The following PLXDC2 variants were observed in gnomAD, a reference collection of about 807,000 sequenced individuals.
The protein encoded by PLXDC2 is plexin domain-containing protein 2.
A neutral mutation model predicts 68.9 loss-of-function variants in PLXDC2; 40 were observed. That is an observed-to-expected ratio of 0.58 (90% confidence interval 0.45 to 0.76). PLXDC2 has a LOEUF of 0.76. Ranked by LOEUF, PLXDC2 falls within the 30% of genes least tolerant of loss-of-function variation. The probability of loss-of-function intolerance (pLI) is 0.00; values close to 1 mark genes in which losing one functional copy is unlikely to be tolerated. For synonymous variants in PLXDC2, 243 were observed against 234.2 expected (o/e 1.04, Z -0.34); for missense variants, 644 against 661.9 (o/e 0.97, Z 0.30).
At chr10:20,216,197 A>G (rs952259116) in intron 10 of PLXDC2, among the ~76,000 whole-genome samples, 1 of 152,206 alleles carries the variant, frequency 6.6e-6, no homozygotes, top group Non-Finnish European at 1.5e-5. Context: ...AAACTTAAAA[A>G]CAAAATCATT....
chr10:19,979,030 C>T (rs182977279), intron 1 of PLXDC2, among the ~76,000 whole-genome samples: 2 of 152,220 alleles, frequency 1.3e-5, no homozygotes, highest in South Asian at 4.1e-4. Context: ...ACAAAATAAA[C>T]GTTTCTTGAT....
chr10:19,987,789 C>T lies in PLXDC2; in HGVS notation c.113-13986C>T, dbSNP rs536978947. Among the ~76,000 whole-genome samples, 267 of 152,076 alleles carry T rather than the reference C, an allele frequency of 1.8e-3. 1 individual carries two copies. Among genetic ancestry groups the T allele is most frequent in the African/African-American group, 6.3e-3 (262 of 41,482 alleles). On this transcript the variant is annotated intron_variant, in intron 1 of 13. Coordinates refer to ENST00000377252, the MANE Select transcript of PLXDC2 (RefSeq NM_032812.9). The stretch of plus-strand genomic sequence containing the variant: ...CCTTGTTGGCCAGGATGGTCTCGAT[C>T]GATCTCCCGACCTTGTGATCCTCCC...
At chr10:19,926,978 C>T (rs1376408865) in intron 1 of PLXDC2, among the ~76,000 whole-genome samples, 1 of 152,190 alleles carries the variant, frequency 6.6e-6, no homozygotes, top group Non-Finnish European at 1.5e-5. Flanking sequence ...TCCTCATCTT[C>T]ATTTCTAATG....
intron 1 of PLXDC2, among the ~76,000 whole-genome samples, chr10:19,932,939 T>A (rs1473699503): frequency 3.9e-5 from 6 of 152,182 alleles, no homozygotes; most frequent in Non-Finnish European, 5.9e-5. Flanking sequence ...TTCAGTTACC[T>A]TTTGTATTAG....
intron 1 of PLXDC2, among the ~76,000 whole-genome samples, chr10:19,994,444 T>A (rs891934436): frequency 6.8e-6 from 1 of 147,882 alleles, no homozygotes; most frequent in African/African-American, 2.5e-5. Flanking sequence ...TCCTCCAACC[T>A]CAGCCTCCCA....
chr10:20,094,701 T>C (rs1044485486), intron 4 of PLXDC2, among the ~76,000 whole-genome samples: 4 of 152,208 alleles, frequency 2.6e-5, no homozygotes, highest in African/African-American at 9.6e-5. Context: ...TTGGACCTTT[T>C]CTTTCTTTTC....
chr10:20,054,364 C>G (rs1466433055), intron 3 of PLXDC2, among the ~76,000 whole-genome samples: 5 of 151,882 alleles, frequency 3.3e-5, no homozygotes, highest in South Asian at 2.1e-4. Context: ...CTAAGAGTCT[C>G]TCTCAGATCA....
intron 2 of PLXDC2, among the ~76,000 whole-genome samples, chr10:20,002,804 G>A (rs1252662760): frequency 6.6e-6 from 1 of 152,154 alleles, no homozygotes; most frequent in Non-Finnish European, 1.5e-5. Flanking sequence ...ATGCTAGGCA[G>A]AGTAAATTTC....
intron 1 of PLXDC2, among the ~76,000 whole-genome samples, chr10:19,925,567 G>C (rs1020054683): frequency 3.3e-5 from 5 of 152,202 alleles, no homozygotes; most frequent in Non-Finnish European, 7.3e-5. Context: ...AATCTCAGAT[G>C]GAAAATAAAA....
At chr10:19,929,155 G>A (rs1268274984) in intron 1 of PLXDC2, among the ~76,000 whole-genome samples, 2 of 151,812 alleles carry the variant, frequency 1.3e-5, no homozygotes, top group South Asian at 2.1e-4. Flanking sequence ...GAGGTGGGCG[G>A]ATTGCATGAG....
At chr10:20,209,619 C>T (rs1370084181) in intron 9 of PLXDC2, among the ~76,000 whole-genome samples, 1 of 152,060 alleles carries the variant, frequency 6.6e-6, no homozygotes, top group Non-Finnish European at 1.5e-5. Context: ...CCGCCCGGCT[C>T]ACCAGCAGTC....
chr10:20,221,080 T>G (rs972861022), intron 12 of PLXDC2, among the ~76,000 whole-genome samples: 1 of 152,018 alleles, frequency 6.6e-6, no homozygotes, highest in Admixed American at 6.6e-5. Flanking sequence ...TGACCTCAGG[T>G]GATCCACCCG....
intron 1 of PLXDC2, among the ~76,000 whole-genome samples, chr10:19,873,850 T>C (rs1837586807): frequency 1.3e-5 from 2 of 152,226 alleles, no homozygotes; most frequent in South Asian, 4.1e-4. Context: ...CCTAAAATGG[T>C]CTGGCATCAA....
At chr10:19,834,549 C>G (rs1836755115) in intron 1 of PLXDC2, among the ~76,000 whole-genome samples, 1 of 152,196 alleles carries the variant, frequency 6.6e-6, no homozygotes, top group Non-Finnish European at 1.5e-5. Flanking sequence ...TGGCAATAGA[C>G]TGTTTGTTAA....
chr10:19,966,398 T>TATATATGTGCACATATATAAA (rs1834259705), intron 1 of PLXDC2, among the ~76,000 whole-genome samples: 2 of 147,160 alleles, frequency 1.4e-5, no homozygotes, highest in African/African-American at 5.2e-5. Flanking sequence ...ATATATAAAA[T>TATATATGTGCACATATATAAA]ATATATGTGC....
intron 12 of PLXDC2, among the ~76,000 whole-genome samples, chr10:20,238,334 T>C (rs1334737786): frequency 1.3e-5 from 2 of 151,590 alleles, no homozygotes; most frequent in African/African-American, 4.8e-5. Flanking sequence ...TTCTAGTATA[T>C]ACTTAATGTA....
chr10:20,253,389 A>G (rs1321044592), intron 13 of PLXDC2, among the ~76,000 whole-genome samples: 1 of 150,180 alleles, frequency 6.7e-6, no homozygotes, highest in African/African-American at 2.4e-5. Context: ...AATAATAATA[A>G]TAATAATAAT....
chr10:20,123,696 G>A (rs1263681963), intron 4 of PLXDC2, among the ~76,000 whole-genome samples: 2 of 151,806 alleles, frequency 1.3e-5, no homozygotes, highest in Non-Finnish European at 2.9e-5. Flanking sequence ...GAGGGAAGGG[G>A]TTCGGGGGTT....
At chr10:20,105,895 T>C (rs1039758124) in intron 4 of PLXDC2, among the ~76,000 whole-genome samples, 2 of 152,238 alleles carry the variant, frequency 1.3e-5, no homozygotes, top group African/African-American at 2.4e-5. Flanking sequence ...CATTTCAAAA[T>C]TGGAGATTAA....
Sources: allele counts gnomAD v4.1 joint callset (sites outside exome capture counted in the v4.1 genomes callset), GRCh38; gene constraint gnomAD v4.1.1; transcripts MANE v1.5; gene names NCBI Gene and HGNC (gene_info 2026-07-23, HGNC 2026-07-21).